RB1CC1: variants seen among roughly 807,000 people sequenced by gnomAD.
The protein encoded by RB1CC1 is RB1 inducible coiled-coil 1.
Under a neutral mutation model 177.5 loss-of-function variants are expected in RB1CC1, and 46 were observed. The ratio of observed to expected loss-of-function variants is 0.26; its 90% CI spans 0.20 to 0.33. The LOEUF is 0.33. Among genes scored for constraint, RB1CC1 ranks in the 10% least tolerant of loss-of-function variants. RB1CC1 has a pLI of 1.00. For synonymous variants in RB1CC1, 666 were observed against 613.6 expected, an observed-to-expected ratio of 1.09 and a Z score of -1.26; for missense variants, 1,703 against 1,816.3, an observed-to-expected ratio of 0.94 and a Z score of 1.13.
In RB1CC1 at chr8:52,630,892, A is replaced by G. The variant is rs1848703995; in HGVS notation, c.4441-364T>C. 2.6e-5 allele frequency among the ~76,000 whole-genome samples: 4 copies of G among 152,342 alleles called. No homozygotes were observed. In the South Asian group the frequency reaches 8.3e-4, roughly 32 times the overall value. ...AACAAGTGCTCAGTGTAGCCAAAAG[A>G]AACCCACACTTAGAAAATTTCTTGG... On this transcript the variant is annotated intron_variant, in intron 20 of 23. Coordinates refer to ENST00000025008, the MANE Select transcript of RB1CC1 (RefSeq NM_014781.5).
At chr8:52,642,213 A>T in intron 18 of RB1CC1, 138 bp downstream of exon 18, 1 of 1,172,724 alleles carries the variant, frequency 8.5e-7, no homozygotes, top group Non-Finnish European at 1.2e-6. Flanking sequence ...CTTACAGTTT[A>T]AAGAATTAAA....
At chr8:52,647,194 C>CT (rs2150428536) in intron 15 of RB1CC1, among the ~76,000 whole-genome samples, 1 of 152,260 alleles carries the variant, frequency 6.6e-6, no homozygotes, top group South Asian at 2.1e-4. Context: ...AATCTAATAA[C>CT]TTAAACTTGC....
intron 18 of RB1CC1, among the ~76,000 whole-genome samples, chr8:52,639,253 C>A (rs1338161592): frequency 1.3e-5 from 2 of 152,100 alleles, no homozygotes; most frequent in African/African-American, 4.8e-5. Flanking sequence ...TTCACGAAGT[C>A]TTGCGCATTT....
At chr8:52,675,719 A>C (rs1370745754) in intron 6 of RB1CC1, among the ~76,000 whole-genome samples, 12 of 148,002 alleles carry the variant, frequency 8.1e-5, no homozygotes, top group East Asian at 5.9e-4. Context: ...AAATCCAAAA[A>C]AAAAAAAAAA....
rs537592881 is a variant in RB1CC1, at chr8:52,682,753, T to A, written c.369+796A>T. 7.5e-4 allele frequency among the ~76,000 whole-genome samples: 114 copies of A among 152,320 alleles called. 1 individual carries two copies. Among genetic ancestry groups the A allele is most frequent in the African/African-American group, 2.7e-3 (112 of 41,584 alleles). On this transcript the variant is annotated intron_variant, in intron 5 of 23. Transcript: ENST00000025008. Reference sequence around the variant, plus strand: ...ATTATGTAAATTCAGTTTACATAAGTATATTTTTTAAAATTTTGTCCTCTC... The same window carrying A: ...ATTATGTAAATTCAGTTTACATAAGAATATTTTTTAAAATTTTGTCCTCTC...
At chr8:52,688,205 G>A (rs1427271792) in intron 1 of RB1CC1, among the ~76,000 whole-genome samples, 1 of 152,168 alleles carries the variant, frequency 6.6e-6, no homozygotes, top group Non-Finnish European at 1.5e-5. Context: ...GCGATTTTTA[G>A]GGAACAAGGG....
At chr8:52,650,547 A>T (rs903875948) in intron 15 of RB1CC1, among the ~76,000 whole-genome samples, 1 of 152,198 alleles carries the variant, frequency 6.6e-6, no homozygotes, top group Non-Finnish European at 1.5e-5. Flanking sequence ...CCCAACATTC[A>T]TGTAAACTCT....
rs1381379661 is a variant in RB1CC1 at position 52,658,982 on chromosome 8, C to A, written c.1690-6G>T. On this transcript the variant is annotated splice_region_variant and splice_polypyrimidine_tract_variant and intron_variant, in intron 12 of 23. Coordinates refer to ENST00000025008, the MANE Select transcript of RB1CC1 (RefSeq NM_014781.5). ...AACTTTCGAGGCTTTTGAGTCTGTA[C>A]CAAAAAAATTAATTACTTAAAAAAT... 13 of 1,460,712 alleles carry A rather than the reference C, an allele frequency of 8.9e-6. No individual in the cohort carries two copies. Among genetic ancestry groups the A allele is most frequent in the Non-Finnish European group, 1.2e-5 (13 of 1,098,970 alleles). 90.5% of individuals were successfully genotyped at this position (1,460,712 alleles called of 1,614,324 possible).
intron 18 of RB1CC1, among the ~76,000 whole-genome samples, chr8:52,637,151 C>T (rs1490993948): frequency 6.6e-6 from 1 of 152,154 alleles, no homozygotes; most frequent in Non-Finnish European, 1.5e-5. Context: ...GTTGAACTGG[C>T]AGACCAATTT....
chr8:52,699,723 G>A (rs1855822615), intron 1 of RB1CC1, among the ~76,000 whole-genome samples: 2 of 140,926 alleles, frequency 1.4e-5, no homozygotes, highest in South Asian at 2.3e-4. Context: ...AGAGGCTGAG[G>A]CAAGAGAATC....
chr8:52,661,522 A>T lies in RB1CC1; in HGVS notation c.1358+13T>A. The T allele has an allele frequency of 6.4e-7, 1 of 1,573,548 alleles. No individual in the cohort carries two copies. The highest frequency in any genetic ancestry group is 1.2e-5 in the South Asian group (1 of 84,714). ...TCTAAACATCTTAAAACAGATATAA[A>T]TGAATCACTTACTTCAGTCTGACAT... On this transcript the variant is annotated intron_variant, in intron 9 of 23. Transcript: ENST00000025008.
Position 52,628,684 on chromosome 8 carries a change from A to G in RB1CC1, c.4500-516T>C, listed in dbSNP as rs144100176. Among the ~76,000 whole-genome samples the G allele has an allele frequency of 2.6e-5, 4 of 152,328 alleles. No homozygotes were observed. The East Asian group carries it at 7.7e-4, about 29-fold the overall frequency. Reference sequence around the variant, plus strand: ...TCAACAGATATTACTATTTTGGGGTATAAGCCCGAAAGAAGACAGGGAAAG... The same window carrying G: ...TCAACAGATATTACTATTTTGGGGTGTAAGCCCGAAAGAAGACAGGGAAAG... On this transcript the variant is annotated intron_variant, in intron 21 of 23. Transcript: ENST00000025008.
intron 7 of RB1CC1, among the ~76,000 whole-genome samples, chr8:52,668,405 GA>G (rs1159420572): frequency 6.6e-6 from 1 of 152,088 alleles, no homozygotes; most frequent in Non-Finnish European, 1.5e-5. Context: ...ACATAATTAG[GA>G]ATACATTTTC....
rs558703538 is a variant in RB1CC1 at position 52,700,280 on chromosome 8, T to G, written c.-166-13313A>C. 6.3e-3 allele frequency among the ~76,000 whole-genome samples: 955 copies of G among 152,140 alleles called. 11 individuals carry two copies. Among genetic ancestry groups the G allele is most frequent in the African/African-American group, 0.022 (927 of 41,494 alleles). The stretch of plus-strand genomic sequence containing the variant: ...CATGCTGGGTGCATTGGCAGCACCC[T>G]TGGGAGGCCAAGGCAGGTGGATTGC... On this transcript the variant is annotated intron_variant, in intron 1 of 23. Coordinates refer to ENST00000025008, the MANE Select transcript of RB1CC1 (RefSeq NM_014781.5).
chr8:52,653,985 G>A (rs1850861848), intron 15 of RB1CC1, among the ~76,000 whole-genome samples: 2 of 152,132 alleles, frequency 1.3e-5, no homozygotes, highest in Admixed American at 6.6e-5. Flanking sequence ...GGTAGAAAAG[G>A]CCAAGTAAAA....
chr8:52,677,050 C>T (rs1018038941), intron 5 of RB1CC1, among the ~76,000 whole-genome samples: 2 of 152,174 alleles, frequency 1.3e-5, no homozygotes, highest in Non-Finnish European at 2.9e-5. Flanking sequence ...AGAAAATAGA[C>T]ATCTGACATT....
intron 8 of RB1CC1, among the ~76,000 whole-genome samples, chr8:52,666,953 T>G (rs954574244): frequency 2.0e-5 from 3 of 152,126 alleles, no homozygotes; most frequent in African/African-American, 7.2e-5. Flanking sequence ...AAAAGCAAGA[T>G]CTGAAGAGAA....
Position 52,661,206 on chromosome 8 carries a change from C to G in RB1CC1, c.1434G>C (p.Glu478Asp). 1 of 1,613,882 alleles carries G rather than the reference C, an allele frequency of 6.2e-7. No homozygotes were observed. The highest frequency in any genetic ancestry group is 8.5e-7 in the Non-Finnish European group (1 of 1,179,882). The change falls in exon 10 of 24, where the codon GAG (glutamate) becomes GAC (aspartate). Residue 478 changes from glutamate (E) to aspartate (D), a missense_variant. Glu to Asp is a conservative substitution (Grantham distance 45, BLOSUM62 2). Around this residue, in one of 6 missense-constraint regions of RB1CC1, gnomAD observed 1,169 missense variants for 1,184.7 expected, o/e 0.99. Transcript: ENST00000025008. ...CAACAATTTTGACTCTTTCTAACAG[C>G]TCTATTACGAGGCGGAGCAAAGCTT... ...KLQALLRLVI[E>D]LLERVKIVEA...
intron 6 of RB1CC1, among the ~76,000 whole-genome samples, chr8:52,674,586 C>T (rs925466997): frequency 2.0e-5 from 3 of 152,074 alleles, no homozygotes; most frequent in Non-Finnish European, 2.9e-5. Flanking sequence ...CTGGCCAACA[C>T]GGCAAAACCC....
Sources: gnomAD v4.1 joint callset for allele counts (sites outside exome capture counted in the v4.1 genomes callset) on GRCh38, gnomAD v4.1.1 for gene constraint, gnomAD v4.1.1 regional missense constraint, MANE v1.5 for transcripts, NCBI Gene and HGNC (gene_info 2026-07-23, HGNC 2026-07-21) for gene names.